Variants in NBAS observed in about 807,000 individuals in gnomAD.
NBAS encodes NBAS subunit of NRZ tethering complex.
NBAS carries 219 observed loss-of-function variants against 302.5 expected under a neutral mutation model. The observed-to-expected ratio is 0.72, with a 90% CI of 0.65 to 0.81. The LOEUF is 0.81. NBAS is among the 30% of genes least tolerant of loss of function. NBAS has a pLI of 0.00. For missense variants in NBAS, 2,932 were observed against 2,841.6 expected (o/e 1.03, Z -0.72); for synonymous variants, 1,118 against 1,021.6 (o/e 1.09, Z -1.80).
At chr2:15,068,400 A>G in the NBAS span, among the ~76,000 whole-genome samples, 1 of 152,336 alleles carries the variant, frequency 6.6e-6, no homozygotes, top group East Asian at 1.9e-4. Context: ...CGAGGAAGGC[A>G]AGTGCTCAAT....
At chr2:15,189,286 A>G (rs1665231387) in intron 49 of NBAS, among the ~76,000 whole-genome samples, 1 of 152,172 alleles carries the variant, frequency 6.6e-6, no homozygotes, top group Non-Finnish European at 1.5e-5. Context: ...AAGTGAAAGC[A>G]CCATTCTCCT....
chr2:14,790,173 T>C, the NBAS span, among the ~76,000 whole-genome samples: 6 of 152,216 alleles, frequency 3.9e-5, no homozygotes, highest in Admixed American at 6.5e-5. Context: ...GGAGTACAAA[T>C]ACTTAACAGC....
chr2:14,812,418 C>A, the NBAS span, among the ~76,000 whole-genome samples: 1 of 152,208 alleles, frequency 6.6e-6, no homozygotes, highest in African/African-American at 2.4e-5. Flanking sequence ...AAGTCCCCCA[C>A]AATCTCTAAT....
At chr2:14,919,930 G>T in the NBAS span, among the ~76,000 whole-genome samples, 354 of 152,258 alleles carry the variant, frequency 2.3e-3, 1 homozygote, top group Admixed American at 4.2e-3. Context: ...CTAAATTCCT[G>T]TTAATGTTGA....
chr2:15,102,096 T>C, the NBAS span, among the ~76,000 whole-genome samples: 8 of 152,306 alleles, frequency 5.3e-5, no homozygotes, highest in African/African-American at 1.9e-4. Flanking sequence ...GTAGCACATA[T>C]ATGTCCCAAC....
At chr2:14,942,239 G>A in the NBAS span, among the ~76,000 whole-genome samples, 1 of 152,144 alleles carries the variant, frequency 6.6e-6, no homozygotes. Context: ...TATGGTTTGG[G>A]TCTGTGTCCC....
rs375983876 is a variant in NBAS at position 15,491,906 on chromosome 2, GA to G, written c.955-2885del. On this transcript the variant is annotated intron_variant, in intron 11 of 51. Coordinates refer to ENST00000281513, the MANE Select transcript of NBAS (RefSeq NM_015909.4). ...AGCCTCATCTATGAATCTAAGAAAG[GA>G]AAGAGAAAAGGTACTGTTTCTCCTC... Among the ~76,000 whole-genome samples the G allele has an allele frequency of 2.3e-4, 35 of 152,188 alleles. No individual in the cohort carries two copies. The East Asian group carries it at 5.4e-3, about 24-fold the overall frequency.
At chr2:15,140,368 G>A in the NBAS span, among the ~76,000 whole-genome samples, 11 of 152,266 alleles carry the variant, frequency 7.2e-5, no homozygotes, top group Non-Finnish European at 1.0e-4. Flanking sequence ...CATAATATAC[G>A]GGTTGTTGGT....
chr2:15,132,833 G>A, the NBAS span, among the ~76,000 whole-genome samples: 1 of 148,560 alleles, frequency 6.7e-6, no homozygotes. Flanking sequence ...TAAACAGGAA[G>A]ATAGGAAACT....
chr2:15,113,986 G>A, the NBAS span, among the ~76,000 whole-genome samples: 3 of 152,058 alleles, frequency 2.0e-5, no homozygotes, highest in Non-Finnish European at 2.9e-5. Context: ...CACTATCTAC[G>A]AAATAGTTTT....
At chr2:15,239,961 T>C (rs964494762) in intron 44 of NBAS, among the ~76,000 whole-genome samples, 3 of 152,172 alleles carry the variant, frequency 2.0e-5, no homozygotes, top group African/African-American at 7.2e-5. Flanking sequence ...CTAAACTTTG[T>C]GCTTTGTTGA....
At chr2:15,143,659 A>G in the NBAS span, among the ~76,000 whole-genome samples, 25 of 152,172 alleles carry the variant, frequency 1.6e-4, no homozygotes, top group African/African-American at 6.0e-4. Context: ...ATGATGGTTA[A>G]TAATGAGTGT....
intron 48 of NBAS, among the ~76,000 whole-genome samples, chr2:15,193,486 T>C (rs542287276): frequency 6.6e-6 from 1 of 152,268 alleles, no homozygotes; most frequent in East Asian, 1.9e-4. Context: ...AATTGTTATA[T>C]ACCTTCAAAT....
chr2:15,193,453 G>A (rs1417914888), intron 48 of NBAS, among the ~76,000 whole-genome samples: 10 of 152,054 alleles, frequency 6.6e-5, no homozygotes. Flanking sequence ...TTTAAAACAT[G>A]ATAAAGAAAT....
chr2:15,288,453 C>G (rs1670156818), intron 41 of NBAS, among the ~76,000 whole-genome samples: 1 of 152,164 alleles, frequency 6.6e-6, no homozygotes, highest in Non-Finnish European at 1.5e-5. Flanking sequence ...GAGGGCTTCT[C>G]AGACATAAGA....
chr2:15,076,061 A>T, the NBAS span, among the ~76,000 whole-genome samples: 1 of 152,158 alleles, frequency 6.6e-6, no homozygotes, highest in African/African-American at 2.4e-5. Context: ...GAAGAGCCAT[A>T]CCTTTTCAAA....
chr2:15,167,352 A>AG, intron 51 of NBAS, 29 bp from the exon 52 acceptor site: 2 of 1,613,632 alleles, frequency 1.2e-6, no homozygotes, highest in Non-Finnish European at 1.7e-6. Flanking sequence ...GCACAGCGTG[A>AG]GGGGGTGTTT....
the NBAS span, among the ~76,000 whole-genome samples, chr2:14,856,872 G>A: frequency 1.1e-3 from 165 of 150,386 alleles, no homozygotes; most frequent in African/African-American, 4.0e-3. Context: ...TTGGAAAAAA[G>A]GTATTCAAAT....
chr2:15,341,802 A>G (rs2148270015), intron 35 of NBAS, among the ~76,000 whole-genome samples: 1 of 152,296 alleles, frequency 6.6e-6, no homozygotes, highest in South Asian at 2.1e-4. Context: ...CAAATAAGTA[A>G]AGATATTATC....
Sources: gnomAD v4.1 joint callset for allele counts (sites outside exome capture counted in the v4.1 genomes callset) on GRCh38, gnomAD v4.1.1 for gene constraint, MANE v1.5 for transcripts, NCBI Gene and HGNC (gene_info 2026-07-23, HGNC 2026-07-21) for gene names.